Variants in PDGFD observed in about 807,000 individuals in gnomAD.
PDGFD encodes the protein platelet-derived growth factor D.
In PDGFD, 30 loss-of-function variants were observed where a neutral mutation model predicts 44.7. The observed-to-expected ratio is 0.67, with a 90% CI of 0.50 to 0.91. The LOEUF (loss-of-function observed/expected upper bound fraction) is 0.91, where lower values mean the gene tolerates loss of function less well. PDGFD is among the 40% of genes least tolerant of loss of function. PDGFD has a pLI of 0.00. For synonymous variants in PDGFD, 173 were observed against 168.4 expected, an observed-to-expected ratio of 1.03 and a Z score of -0.21; for missense variants, 445 against 457.8, an observed-to-expected ratio of 0.97 and a Z score of 0.25.
chr11:104,145,270 A>G (rs1490083780), intron 1 of PDGFD, among the ~76,000 whole-genome samples: 1 of 152,188 alleles, frequency 6.6e-6, no homozygotes, highest in African/African-American at 2.4e-5. Flanking sequence ...GTCATTAACC[A>G]GTGTTGGTAT....
intron 1 of PDGFD, among the ~76,000 whole-genome samples, chr11:104,114,226 A>T (rs1472714813): frequency 6.6e-6 from 1 of 151,910 alleles, no homozygotes; most frequent in Non-Finnish European, 1.5e-5. Context: ...AGAATTTTGC[A>T]TTTTACATTT....
intron 2 of PDGFD, among the ~76,000 whole-genome samples, chr11:103,998,019 C>G (rs1425531229): frequency 6.6e-6 from 1 of 152,058 alleles, no homozygotes; most frequent in Non-Finnish European, 1.5e-5. Context: ...ATTTCAAGGC[C>G]AGGATGTCAA....
intron 1 of PDGFD, among the ~76,000 whole-genome samples, chr11:104,071,592 T>C (rs886174948): frequency 6.6e-6 from 1 of 151,868 alleles, no homozygotes; most frequent in African/African-American, 2.4e-5. Flanking sequence ...TTTCTCCTAG[T>C]TGTTTTTTGT....
At chr11:104,144,948 C>T (rs1012186158) in intron 1 of PDGFD, among the ~76,000 whole-genome samples, 2 of 152,120 alleles carry the variant, frequency 1.3e-5, no homozygotes, top group African/African-American at 2.4e-5. Context: ...TAGTAAGATA[C>T]AACTTTTACT....
intron 3 of PDGFD, among the ~76,000 whole-genome samples, chr11:103,985,872 G>A (rs1401267395): frequency 1.3e-5 from 2 of 152,128 alleles, no homozygotes; most frequent in African/African-American, 4.8e-5. Flanking sequence ...GGAGACAGGA[G>A]GGAGGGAGAC....
At chr11:104,117,559 C>A (rs1861660219) in intron 1 of PDGFD, among the ~76,000 whole-genome samples, 1 of 151,828 alleles carries the variant, frequency 6.6e-6, no homozygotes, top group South Asian at 2.1e-4. Flanking sequence ...TTAATGTACA[C>A]AAATTAGTAG....
chr11:104,147,974 A>G (rs1380397252), intron 1 of PDGFD, among the ~76,000 whole-genome samples: 1 of 152,238 alleles, frequency 6.6e-6, no homozygotes, highest in Non-Finnish European at 1.5e-5. Context: ...GAAAAGAAGT[A>G]TCAATGCTGA....
At chr11:103,980,336 T>C (rs1273459876) in intron 3 of PDGFD, among the ~76,000 whole-genome samples, 1 of 152,120 alleles carries the variant, frequency 6.6e-6, no homozygotes. Flanking sequence ...AATGAAGGCC[T>C]TTCTGTAGTA....
intron 1 of PDGFD, among the ~76,000 whole-genome samples, chr11:104,159,021 T>A (rs1399461570): frequency 1.3e-5 from 2 of 148,558 alleles, no homozygotes; most frequent in Non-Finnish European, 3.0e-5. Context: ...GAGGCGGTGG[T>A]AGGCGCCTGT....
intron 1 of PDGFD, among the ~76,000 whole-genome samples, chr11:104,033,724 G>C (rs944235217): frequency 6.6e-6 from 1 of 151,958 alleles, no homozygotes; most frequent in Admixed American, 6.6e-5. Context: ...AAGCTATTTG[G>C]GGAAAAAAGA....
Position 104,108,586 on chromosome 11 carries a change from C to T in PDGFD, c.124+55218G>A, listed in dbSNP as rs568932463. ...GAGAGGATGTGGAGAAATAGGAACA[C>T]TTTTACACTGTTGGTGAGACTGTAA... On this transcript the variant is annotated intron_variant, in intron 1 of 6. Coordinates refer to ENST00000393158, the MANE Select transcript of PDGFD (RefSeq NM_025208.5). Among the ~76,000 whole-genome samples, 9 of 152,290 alleles carry T rather than the reference C, an allele frequency of 5.9e-5. 1 individual carries two copies. The South Asian group carries it at 1.9e-3, about 32-fold the overall frequency.
intron 1 of PDGFD, among the ~76,000 whole-genome samples, chr11:104,148,672 A>G (rs1014581576): frequency 1.3e-5 from 2 of 152,112 alleles, no homozygotes; most frequent in East Asian, 1.9e-4. Flanking sequence ...GGTTTGTTGT[A>G]CAGATTATTT....
chr11:104,036,501 G>A (rs1213808980), intron 1 of PDGFD: 7 of 364,912 alleles, frequency 1.9e-5, no homozygotes, highest in Non-Finnish European at 3.5e-5. Context: ...GGCTTTGAAG[G>A]GCTGGCCTTG....
At chr11:104,136,809 T>A (rs1862011827) in intron 1 of PDGFD, among the ~76,000 whole-genome samples, 1 of 152,198 alleles carries the variant, frequency 6.6e-6, no homozygotes, top group African/African-American at 2.4e-5. Flanking sequence ...ACTTTTATAT[T>A]TTATGAAGAA....
chr11:103,946,168 G>A (rs1234808550), intron 4 of PDGFD, among the ~76,000 whole-genome samples: 1 of 152,146 alleles, frequency 6.6e-6, no homozygotes, highest in Non-Finnish European at 1.5e-5. Flanking sequence ...AAATGCTCTG[G>A]AAATGCAAAA....
intron 4 of PDGFD, among the ~76,000 whole-genome samples, chr11:103,946,926 C>G (rs969327656): frequency 1.3e-5 from 2 of 152,174 alleles, no homozygotes; most frequent in African/African-American, 4.8e-5. Flanking sequence ...AAAACAACAA[C>G]TCTGACTCAG....
intron 1 of PDGFD, among the ~76,000 whole-genome samples, chr11:104,051,682 C>T (rs1860540140): frequency 1.3e-5 from 2 of 151,646 alleles, no homozygotes; most frequent in Admixed American, 1.3e-4. Flanking sequence ...AGTAATTACA[C>T]AGATCTCAAA....
rs1452037648 is a variant in PDGFD, at chr11:103,908,033, T to C, written c.*1661A>G. 6.6e-6 allele frequency: 1 copy of C among 152,182 alleles called. No homozygotes were observed. Among genetic ancestry groups the C allele is most frequent in the Non-Finnish European group, 1.5e-5 (1 of 68,032 alleles). 9.4% of individuals were successfully genotyped at this position (152,182 alleles called of 1,614,324 possible). A position where few individuals can be genotyped will look rare whatever the true frequency, so the allele number is the denominator to read the frequency against. ...AACTTGGACCTGAGAGCACCATACT[T>C]AGAAATCTAAGTATATTTAGGTCAC... On this transcript the variant is annotated 3_prime_UTR_variant, in exon 7 of 7. Transcript: ENST00000393158.
intron 3 of PDGFD, among the ~76,000 whole-genome samples, chr11:103,991,381 T>C (rs966031748): frequency 1.4e-4 from 22 of 152,270 alleles, no homozygotes; most frequent in African/African-American, 5.3e-4. Flanking sequence ...TAAATAATCA[T>C]TTTTATGTAA....
Sources: allele counts gnomAD v4.1 joint callset (sites outside exome capture counted in the v4.1 genomes callset), GRCh38; gene constraint gnomAD v4.1.1; transcripts MANE v1.5; gene names NCBI Gene and HGNC (gene_info 2026-07-23, HGNC 2026-07-21).